TLCD3A: variants seen among roughly 807,000 people sequenced by gnomAD.
TLCD3A encodes the protein TLC domain containing 3A, also known as TLC domain-containing protein 3A.
In TLCD3A, 17 loss-of-function variants were observed where a neutral mutation model predicts 29.9. The ratio of observed to expected loss-of-function variants is 0.57; its 90% confidence interval spans 0.39 to 0.85. TLCD3A has a LOEUF of 0.85. Ranked by LOEUF, TLCD3A falls within the 40% of genes least tolerant of loss-of-function variation. The probability of loss-of-function intolerance (pLI) is 0.00; values close to 1 mark genes in which losing one functional copy is unlikely to be tolerated. For synonymous variants in TLCD3A, 143 were observed against 147.7 expected (o/e 0.97, Z 0.23); for missense variants, 332 against 350.8 (o/e 0.95, Z 0.43).
Position 732,629 on chromosome 17 carries a change from G to T in TLCD3A, c.-19G>T. 1 of 1,243,698 alleles carries T rather than the reference G, an allele frequency of 8.0e-7. No homozygotes were observed. Among genetic ancestry groups the T allele is most frequent in the South Asian group, 2.9e-5 (1 of 34,130 alleles). 77.0% of individuals were successfully genotyped at this position (1,243,698 alleles called of 1,614,324 possible). The stretch of plus-strand genomic sequence containing the variant: ...CCCAGCCACGCGGCGCCAGCGAGGC[G>T]GCCGGACCCGCAGCCCCGATGCTGC... On this transcript the variant is annotated 5_prime_UTR_variant, in exon 1 of 5. Coordinates refer to ENST00000308278, the MANE Select transcript of TLCD3A (RefSeq NM_024792.3).
In TLCD3A at chr17:741,529, G is replaced by T. The variant is rs544331981; in HGVS notation, c.733G>T (p.Val245Phe). The change falls in exon 5 of 5, where the codon GTC becomes TTC. Residue 245 changes from valine to phenylalanine, a missense_variant. Transcript: ENST00000308278. ...GTTCTGTCTGCTGTGCAGGAAGGCA[G>T]TCCGGCTCTTTGACACTCCCCAAGC... ...YWFCLLCRKAVRLFDTPQAKK... is the reference protein window; with the variant it reads ...YWFCLLCRKAFRLFDTPQAKK... 1.2e-6 allele frequency: 2 copies of T among 1,614,050 alleles called. No individual in the cohort carries two copies. Among genetic ancestry groups the T allele is most frequent in the Non-Finnish European group, 1.7e-6 (2 of 1,180,044 alleles).
chr17:742,649 G>T lies in TLCD3A; in HGVS notation c.*1079G>T, dbSNP rs1445595969. 1 of 152,460 alleles carries T rather than the reference G, an allele frequency of 6.6e-6. No homozygotes were observed. The highest frequency in any genetic ancestry group is 2.4e-5 in the African/African-American group (1 of 41,464). The allele number at this position is 152,460 out of a possible 1,614,324, so 9.4% of individuals were successfully genotyped here. A position where few individuals can be genotyped will look rare whatever the true frequency, so the allele number is the denominator to read the frequency against. ...AGCTAGCCTGGCCAGTGGCTGTCCCGTGGACCGACACCTGCGCCCCCTTCT... is the reference window on the plus strand; with the variant it reads ...AGCTAGCCTGGCCAGTGGCTGTCCCTTGGACCGACACCTGCGCCCCCTTCT... On this transcript the variant is annotated 3_prime_UTR_variant, in exon 5 of 5. Transcript: ENST00000308278.
At chr17:734,481 TTTG>T (rs1336616848) in intron 2 of TLCD3A, among the ~76,000 whole-genome samples, 6 of 150,876 alleles carry the variant, frequency 4.0e-5, no homozygotes, top group African/African-American at 7.3e-5. Context: ...CTAACTTTTT[TTTG>T]TTGTTGTTGG....
In TLCD3A at chr17:741,504, G is replaced by A. The variant is rs1442511012; in HGVS notation, c.708G>A (p.Trp236Ter). 1.9e-6 allele frequency: 3 copies of A among 1,614,002 alleles called. No homozygotes were observed. Among genetic ancestry groups the A allele is most frequent in the Non-Finnish European group, 2.5e-6 (3 of 1,180,044 alleles). Reference sequence around the variant, plus strand: ...TCCTCGTAGCTCCTCAGATCTACTGGTTCTGTCTGCTGTGCAGGAAGGCAG... The same window carrying A: ...TCCTCGTAGCTCCTCAGATCTACTGATTCTGTCTGCTGTGCAGGAAGGCAG... ...NAFLVAPQIY[W>*]FCLLCRKAVR... Residue 236 changes from tryptophan to a stop codon, truncating the protein, a stop_gained, in exon 5 of 5, where the codon TGG becomes TGA. Coordinates refer to ENST00000308278, the MANE Select transcript of TLCD3A (RefSeq NM_024792.3). LOFTEE classifies it high-confidence loss of function.
In TLCD3A at chr17:741,601, C is replaced by A. The variant is rs3744735; in HGVS notation, c.*31C>A. ...CCTGGGAGTCAGGCGCAGCCTCACA[C>A]CAGCTGCCTCCTCCACTCAGCATTC... On this transcript the variant is annotated 3_prime_UTR_variant, in exon 5 of 5. Transcript: ENST00000308278. 0.01 allele frequency: 16,200 copies of A among 1,602,762 alleles called. 205 individuals carry two copies. The highest frequency in any genetic ancestry group is 0.071 in the East Asian group (3,175 of 44,842).
In TLCD3A at chr17:732,742, G is replaced by T. The variant is rs1267236567; in HGVS notation, c.95G>T (p.Arg32Leu). The T allele has an allele frequency of 1.4e-6, 2 of 1,453,168 alleles. No individual in the cohort carries two copies. The highest frequency in any genetic ancestry group is 2.6e-5 in the South Asian group (2 of 76,106). The allele number at this position is 1,453,168 out of a possible 1,614,324, so 90.0% of individuals were successfully genotyped here. The change falls in exon 1 of 5, where the codon CGC becomes CTC. Residue 32 changes from arginine to leucine, a missense_variant. By Grantham distance (102) the Arg-to-Leu change is moderately radical. Coordinates refer to ENST00000308278, the MANE Select transcript of TLCD3A (RefSeq NM_024792.3). ...ALRRSQPGWSRTDCVMISTRL... is the reference protein window; with the variant it reads ...ALRRSQPGWSLTDCVMISTRL... ...CGCCGCTCCCAGCCCGGATGGAGCC[G>T]CACCGACTGCGTGATGATCAGCACC...
At chr17:734,707 T>C (rs1974128713) in intron 2 of TLCD3A, among the ~76,000 whole-genome samples, 1 of 152,148 alleles carries the variant, frequency 6.6e-6, no homozygotes, top group South Asian at 2.1e-4. Flanking sequence ...TGCGATTAGA[T>C]AGAAGGAGTT....
chr17:741,201 T>A, intron 4 of TLCD3A, 100 bp from the exon 5 acceptor site: 1 of 1,245,682 alleles, frequency 8.0e-7, no homozygotes, highest in East Asian at 2.3e-5. Context: ...GATGAGCACC[T>A]GCACCTGTGT....
At chr17:739,915 G>A (rs1000879661) in intron 3 of TLCD3A, among the ~76,000 whole-genome samples, 1 of 152,130 alleles carries the variant, frequency 6.6e-6, no homozygotes, top group Non-Finnish European at 1.5e-5. Context: ...GTGTGATGCT[G>A]TACATCTGTA....
At position 741,354 on chromosome 17, in the gene TLCD3A, C is replaced by T. The variant is rs200383001; in HGVS notation, c.558C>T (p.Ala186=). 5 of 1,614,190 alleles carry T rather than the reference C, an allele frequency of 3.1e-6. No homozygotes were observed. In the East Asian group the frequency reaches 1.1e-4, roughly 36 times the overall value. ...LYKVNGILTL[A]TFLSCRILLF... Reference sequence around the variant, plus strand: ...AGGTGAATGGAATCCTCACGCTGGCCACCTTCCTTTCCTGCCGGATCCTTC... The same window carrying T: ...AGGTGAATGGAATCCTCACGCTGGCTACCTTCCTTTCCTGCCGGATCCTTC... The change falls in exon 5 of 5, where the codon GCC becomes GCT. Residue 186 remains alanine, a synonymous_variant. Transcript: ENST00000308278.
intron 1 of TLCD3A, 86 bp from the exon 2 acceptor site, chr17:733,012 G>GA (rs1491277938): frequency 2.0e-6 from 3 of 1,468,580 alleles, no homozygotes; most frequent in South Asian, 2.4e-5. Flanking sequence ...TGCGGCTGGG[G>GA]AGAGTCAGGC....
At position 739,262 on chromosome 17, in the gene TLCD3A, C is replaced by T. The variant is rs146283973; in HGVS notation, c.408+1215C>T. ...TTGCCCAGGCTGGAGTGCAATGGCT[C>T]ACTGCAACCTCTGCCTCCCGGGTTC... On this transcript the variant is annotated intron_variant, in intron 3 of 4. Transcript: ENST00000308278. Among the ~76,000 whole-genome samples the T allele has an allele frequency of 2.2e-3, 340 of 152,086 alleles. 3 individuals are homozygous for T. The highest frequency in any genetic ancestry group is 7.8e-3 in the African/African-American group (324 of 41,482).
Position 732,753 on chromosome 17 carries a change from GTGA to G in TLCD3A, c.111_113del (p.Met37del), listed in dbSNP as rs1396523262. 2.7e-6 allele frequency: 4 copies of G among 1,454,946 alleles called. No homozygotes were observed. Among genetic ancestry groups the G allele is most frequent in the Admixed American group, 4.8e-5 (2 of 41,814 alleles). The allele number at this position is 1,454,946 out of a possible 1,614,324, so 90.1% of individuals were successfully genotyped here. The stretch of plus-strand genomic sequence containing the variant: ...GCCCGGATGGAGCCGCACCGACTGC[GTGA>G]TGATCAGCACCAGGTACCGGCGCCG... On this transcript the variant is annotated inframe_deletion, in exon 1 of 5. Transcript: ENST00000308278.
rs998134982 is a variant in TLCD3A, at chr17:737,934, A to G, written c.295A>G (p.Thr99Ala). 8 of 1,613,946 alleles carry G rather than the reference A, an allele frequency of 5.0e-6. No individual in the cohort carries two copies. The highest frequency in any genetic ancestry group is 6.8e-6 in the Non-Finnish European group (8 of 1,180,034). ...YAMYLCEWCRTRDQNRAPSLT... is the reference protein window; with the variant it reads ...YAMYLCEWCRARDQNRAPSLT... ...CATGTACCTCTGTGAATGGTGCCGA[A>G]CCAGAGACCAGAACCGTGCGCCCTC... Residue 99 changes from threonine to alanine, a missense_variant, in exon 3 of 5, where the codon ACC (threonine) becomes GCC (alanine). By Grantham distance (58) the Thr-to-Ala change is moderately conservative. Transcript: ENST00000308278.
intron 4 of TLCD3A, 112 bp downstream of exon 4, chr17:740,712 A>G (rs1448806242): frequency 9.6e-7 from 1 of 1,042,868 alleles, no homozygotes. Flanking sequence ...TGAATGGCAG[A>G]GAGAGTGAAG....
chr17:734,834 T>A (rs1974130164), intron 2 of TLCD3A, among the ~76,000 whole-genome samples: 1 of 152,032 alleles, frequency 6.6e-6, no homozygotes, highest in Non-Finnish European at 1.5e-5. Context: ...TTTCTCAATT[T>A]AAGTACTTAA....
At position 735,986 on chromosome 17, in the gene TLCD3A, CAAA is replaced by C. The variant is rs55943725; in HGVS notation, c.207-1842_207-1840del. 5.9e-4 allele frequency among the ~76,000 whole-genome samples: 63 copies of C among 107,228 alleles called. 1 individual carries two copies. Among genetic ancestry groups the C allele is most frequent in the African/African-American group, 1.2e-3 (33 of 27,262 alleles). 70.3% of individuals were successfully genotyped at this position (107,228 alleles called of 152,430 possible). A position where few individuals can be genotyped will look rare whatever the true frequency, so the allele number is the denominator to read the frequency against. On this transcript the variant is annotated intron_variant, in intron 2 of 4. Coordinates refer to ENST00000308278, the MANE Select transcript of TLCD3A (RefSeq NM_024792.3). ...AAGATTTTGTCTCAAAAACCAAAAC[CAAA>C]AAAAAAAAAAAAAAAAAGGAACCTG...
At chr17:740,963 G>C (rs1440037013) in intron 4 of TLCD3A, among the ~76,000 whole-genome samples, 1 of 152,214 alleles carries the variant, frequency 6.6e-6, no homozygotes, top group African/African-American at 2.4e-5. Context: ...ATCTAAGTTT[G>C]ATAGTTTGAT....
At chr17:738,301 G>A (rs571898367) in intron 3 of TLCD3A, among the ~76,000 whole-genome samples, 24 of 151,954 alleles carry the variant, frequency 1.6e-4, no homozygotes, top group Non-Finnish European at 3.1e-4. Context: ...TTGCCATGTT[G>A]GCCAGGCTGA....
Sources: allele counts gnomAD v4.1 joint callset (sites outside exome capture counted in the v4.1 genomes callset), GRCh38; gene constraint gnomAD v4.1.1; transcripts MANE v1.5; gene names NCBI Gene and HGNC (gene_info 2026-07-23, HGNC 2026-07-21).